The following APC variants were observed in gnomAD, a reference collection of about 807,000 sequenced individuals.
APC encodes APC regulator of Wnt signaling pathway.
APC carries 72 observed loss-of-function variants against 247.0 expected under a neutral mutation model. The ratio of observed to expected loss-of-function variants is 0.29; its 90% CI spans 0.24 to 0.35. The LOEUF is 0.35. APC is among the 10% of genes least tolerant of loss of function. The pLI, the probability that APC is intolerant of heterozygous loss-of-function variation, is 1.00. For missense variants in APC, 3,400 were observed against 3,360.7 expected (o/e 1.01, Z -0.29); for synonymous variants, 1,254 against 1,162.5 (o/e 1.08, Z -1.60).
At chr5:112,708,085 T>C (rs1750631436) in intron 1 of APC, among the ~76,000 whole-genome samples, 1 of 152,176 alleles carries the variant, frequency 6.6e-6, no homozygotes, top group African/African-American at 2.4e-5. Context: ...ACGCAGTGGA[T>C]GGGGGTCGCG....
intron 5 of APC, 43 bp downstream of exon 5, chr5:112,775,780 T>A (rs2149616819): frequency 9.0e-7 from 1 of 1,113,248 alleles, no homozygotes; most frequent in Non-Finnish European, 1.3e-6. Context: ...CTTTAATAAC[T>A]TGATATTTTA....
At chr5:112,831,145 T>C (rs909739140) in intron 14 of APC, among the ~76,000 whole-genome samples, 8 of 152,120 alleles carry the variant, frequency 5.3e-5, no homozygotes, top group Non-Finnish European at 8.8e-5. Flanking sequence ...AGTCTTGCTC[T>C]GCTGCCAGGC....
intron 4 of APC, among the ~76,000 whole-genome samples, chr5:112,774,464 ATTTTTTTT>A (rs35554771): frequency 2.5e-5 from 3 of 121,278 alleles, no homozygotes; most frequent in East Asian, 2.4e-4. Flanking sequence ...TGCAAGATCG[ATTTTTTTT>A]TTTTTTTTTT....
At position 112,745,510 on chromosome 5, in the gene APC, TTTAAG is replaced by T. The variant is rs1405268983; in HGVS notation, c.-19+7587_-19+7591del. 9.2e-5 allele frequency among the ~76,000 whole-genome samples: 14 copies of T among 151,860 alleles called. No homozygotes were observed. In the East Asian group the frequency reaches 2.5e-3, roughly 27 times the overall value. ...TAAGGATGAAACGAATAAGTGAATGTTTAAGTAAAGTAAGGAAATAAATGAATTAA... is the reference window on the plus strand; with the variant it reads ...TAAGGATGAAACGAATAAGTGAATGTTAAAGTAAGGAAATAAATGAATTAA... On this transcript the variant is annotated intron_variant, in intron 1 of 15. Transcript: ENST00000257430.
intron 8 of APC, among the ~76,000 whole-genome samples, chr5:112,805,866 C>A: frequency 6.6e-6 from 1 of 152,194 alleles, no homozygotes. Context: ...CACCTGGTTT[C>A]CTGCCCACAA....
intron 6 of APC, among the ~76,000 whole-genome samples, chr5:112,788,041 G>T (rs1759166947): frequency 6.6e-6 from 1 of 152,060 alleles, no homozygotes; most frequent in African/African-American, 2.4e-5. Flanking sequence ...TCATTATCAT[G>T]TATTGGATAC....
chr5:112,784,872 A>G (rs780961035), intron 6 of APC, among the ~76,000 whole-genome samples: 1 of 152,200 alleles, frequency 6.6e-6, no homozygotes, highest in African/African-American at 2.4e-5. Context: ...TCAGGCCTGT[A>G]ATCCCAGCAC....
intron 10 of APC, among the ~76,000 whole-genome samples, chr5:112,821,535 AAG>A (rs1319381622): frequency 2.6e-5 from 4 of 152,064 alleles, no homozygotes; most frequent in South Asian, 2.1e-4. Context: ...TAAAGAAAGA[AAG>A]AAATTATAAA....
intron 9 of APC, among the ~76,000 whole-genome samples, chr5:112,816,051 A>T (rs1172538695): frequency 6.6e-6 from 1 of 152,248 alleles, no homozygotes; most frequent in Admixed American, 6.5e-5. Context: ...TTTCTGCAAG[A>T]ATACTGAGTT....
rs182209670 is a variant in APC at position 112,757,017 on chromosome 5, A to T, written c.135+1992A>T. On this transcript the variant is annotated intron_variant, in intron 2 of 15. Coordinates refer to ENST00000257430, the MANE Select transcript of APC (RefSeq NM_000038.6). ...AGCTCAAGACTTTGGAGCATTTCAG[A>T]CTTCAAATTTTCGGATTTAGAATGC... Among the ~76,000 whole-genome samples the T allele has an allele frequency of 4.3e-4, 66 of 152,292 alleles. 1 individual carries two copies. The East Asian group carries it at 9.3e-3, about 21-fold the overall frequency.
intron 8 of APC, among the ~76,000 whole-genome samples, chr5:112,804,328 T>C (rs545837189): frequency 9.2e-5 from 14 of 152,342 alleles, no homozygotes; most frequent in Admixed American, 5.9e-4. Flanking sequence ...CCAACTAATA[T>C]GTACCTGGCA....
At chr5:112,756,590 G>C (rs910460043) in intron 2 of APC, among the ~76,000 whole-genome samples, 1 of 152,190 alleles carries the variant, frequency 6.6e-6, no homozygotes, top group Non-Finnish European at 1.5e-5. Flanking sequence ...TGGCAGGCCT[G>C]TTTAGATAGT....
rs587780604 is a variant in APC at position 112,843,130 on chromosome 5, T to C, written c.7536T>C (p.Ser2512=). ...GGCGAAAACTCCCACCTAATCTCAG[T>C]CCCACTATAGAGTATAATGATGGAA... ...GGWRKLPPNL[S]PTIEYNDGRP... is the part of the protein sequence containing the mutation. Residue 2512 remains serine (S), a synonymous_variant, in exon 16 of 16, where the codon AGT becomes AGC. Coordinates refer to ENST00000257430, the MANE Select transcript of APC (RefSeq NM_000038.6). The surrounding 1 kb of genome is among the most constrained non-coding windows in gnomAD (Gnocchi z 4.8). The C allele has an allele frequency of 3.2e-5, 52 of 1,613,958 alleles. No homozygotes were observed. The highest frequency in any genetic ancestry group is 4.4e-5 in the Non-Finnish European group (52 of 1,179,882).
intron 2 of APC, among the ~76,000 whole-genome samples, chr5:112,761,605 A>G (rs1167850109): frequency 6.6e-6 from 1 of 152,210 alleles, no homozygotes; most frequent in Non-Finnish European, 1.5e-5. Context: ...GCACAGAGAA[A>G]AAAATGGAAA....
intron 5 of APC, among the ~76,000 whole-genome samples, chr5:112,776,085 T>C (rs1236537380): frequency 6.6e-6 from 1 of 152,236 alleles, no homozygotes; most frequent in Non-Finnish European, 1.5e-5. Context: ...TCTGCCTATT[T>C]TTTGTACTGT....
At chr5:112,777,867 C>G (rs962640647) in intron 5 of APC, 1 of 222,284 alleles carries the variant, frequency 4.5e-6, no homozygotes, top group Non-Finnish European at 9.8e-6. Flanking sequence ...AGCAGCATCC[C>G]TTCTCTTCTT....
rs1764020231 is a variant in APC, at chr5:112,828,925, G to A, written c.1696G>A (p.Val566Ile). The A allele has an allele frequency of 1.2e-6, 2 of 1,613,950 alleles. No homozygotes were observed. The highest frequency in any genetic ancestry group is 2.2e-5 in the East Asian group (1 of 44,858). Residue 566 changes from valine (V) to isoleucine (I), a missense_variant, in exon 14 of 16, where the codon GTT becomes ATT. By Grantham distance (29) the Val-to-Ile change is conservative. This residue lies in a region of APC where 184 missense variants were observed against 248.0 expected (regional missense o/e 0.74). Coordinates refer to ENST00000257430, the MANE Select transcript of APC (RefSeq NM_000038.6). The part of the protein sequence containing the change: ...DVNSKKTLRE[V>I]GSVKALMECA... ...AAATAGTAAAAAGACGTTGCGAGAA[G>A]TTGGAAGTGTGAAAGCATTGATGGA... is the stretch of plus-strand genomic sequence containing the variant.
intron 6 of APC, among the ~76,000 whole-genome samples, chr5:112,781,884 G>T (rs1311562696): frequency 1.3e-5 from 2 of 152,012 alleles, no homozygotes; most frequent in African/African-American, 4.8e-5. Flanking sequence ...CACCTGAGTA[G>T]CTGGGATTAC....
intron 8 of APC, chr5:112,810,231 C>T (rs573823662): frequency 1.1e-5 from 5 of 445,246 alleles, no homozygotes; most frequent in South Asian, 4.8e-5. Flanking sequence ...GGATCCAGAG[C>T]ACATCTAAAG....
Sources: gnomAD v4.1 joint callset for allele counts (sites outside exome capture counted in the v4.1 genomes callset) on GRCh38, gnomAD v4.1.1 for gene constraint, gnomAD v4.1.1 regional missense constraint, Gnocchi (gnomAD v3.1) non-coding constraint, MANE v1.5 for transcripts, NCBI Gene and HGNC (gene_info 2026-07-23, HGNC 2026-07-21) for gene names.